The following NUP153 variants were observed in gnomAD, a reference collection of about 807,000 sequenced individuals.
NUP153 encodes nucleoporin 153.
Under a neutral mutation model 134.6 loss-of-function variants are expected in NUP153, and 27 were observed. The observed-to-expected ratio is 0.20, with a 90% confidence interval of 0.15 to 0.28. The LOEUF (loss-of-function observed/expected upper bound fraction) is 0.28, where lower values mean the gene tolerates loss of function less well. NUP153 is among the 10% of genes least tolerant of loss of function. NUP153 has a pLI of 1.00. For missense variants in NUP153, 1,821 were observed against 1,731.3 expected, an observed-to-expected ratio of 1.05 and a Z score of -0.92; for synonymous variants, 640 against 623.5, an observed-to-expected ratio of 1.03 and a Z score of -0.40.
Position 17,632,499 on chromosome 6 carries a change from A to G in NUP153, c.2659+151T>C, listed in dbSNP as rs186307348. On this transcript the variant is annotated intron_variant, in intron 17 of 21. Transcript: ENST00000262077. ...GACCTTACAATATTCAGAAACAGAT[A>G]TAACTAAAACATCTCAGGATAATCT... 186 of 577,392 alleles carry G rather than the reference A, an allele frequency of 3.2e-4. 2 individuals are homozygous for G. Among genetic ancestry groups the G allele is most frequent in the Non-Finnish European group, 2.9e-6 (1 of 346,850 alleles). 35.8% of individuals were successfully genotyped at this position (577,392 alleles called of 1,614,324 possible).
chr6:17,630,332 CAG>C (rs1171437520), intron 17 of NUP153, among the ~76,000 whole-genome samples: 1 of 152,142 alleles, frequency 6.6e-6, no homozygotes, highest in Non-Finnish European at 1.5e-5. Context: ...AACAGAAAAA[CAG>C]AAGAATTACA....
chr6:17,651,793 T>C (rs1228319181), intron 11 of NUP153: 11 of 561,580 alleles, frequency 2.0e-5, no homozygotes, highest in Non-Finnish European at 3.7e-5. Context: ...GGCCTCAAAA[T>C]CCATGAAACA....
At chr6:17,679,739 G>A (rs1356219930) in intron 2 of NUP153, among the ~76,000 whole-genome samples, 4 of 152,034 alleles carry the variant, frequency 2.6e-5, no homozygotes, top group Admixed American at 6.6e-5. Context: ...AGACTACCTC[G>A]CTGATGTTAC....
intron 2 of NUP153, among the ~76,000 whole-genome samples, chr6:17,682,002 G>A (rs1156770845): frequency 6.6e-6 from 1 of 151,888 alleles, no homozygotes; most frequent in Non-Finnish European, 1.5e-5. Flanking sequence ...AAGGCCAGGA[G>A]TTCAAGACCA....
Position 17,629,256 on chromosome 6 carries a change from A to C in NUP153, c.2943T>G (p.Phe981Leu). ...EVKKDSKNDNFKFGLSSGLSN... is the reference protein window; with the variant it reads ...EVKKDSKNDNLKFGLSSGLSN... ...TTAAACCAGAAGAAAGTCCAAACTT[A>C]AAATTATCATTCTTACTATCTTTTT... The change falls in exon 18 of 22, where the codon TTT becomes TTG. Residue 981 changes from phenylalanine to leucine, a missense_variant. Transcript: ENST00000262077. The C allele has an allele frequency of 6.2e-7, 1 of 1,612,708 alleles. No individual in the cohort carries two copies. Among genetic ancestry groups the C allele is most frequent in the Non-Finnish European group, 8.5e-7 (1 of 1,179,654 alleles).
chr6:17,649,370 CA>C, intron 11 of NUP153, 70 bp from the exon 12 acceptor site: 3 of 1,427,254 alleles, frequency 2.1e-6, no homozygotes, highest in Non-Finnish European at 2.9e-6. Context: ...TTATTTTCAG[CA>C]TGAAAGTATA....
chr6:17,624,215 T>C (rs1764799778), intron 20 of NUP153, among the ~76,000 whole-genome samples: 1 of 152,150 alleles, frequency 6.6e-6, no homozygotes, highest in Admixed American at 6.5e-5. Context: ...TGGGGGTAAC[T>C]TCCTAACGCA....
intron 1 of NUP153, among the ~76,000 whole-genome samples, chr6:17,690,299 C>CCCGGGTGGCGTAGCTTGCAGTGAGG (rs1339546531): frequency 9.8e-6 from 1 of 101,806 alleles, no homozygotes; most frequent in African/African-American, 2.7e-5. Context: ...TTGCAGTGAG[C>CCCGGGTGGCGTAGCTTGCAGTGAGG]CGAATGTGCA....
chr6:17,621,145 CA>C (rs1348049778), intron 20 of NUP153, among the ~76,000 whole-genome samples: 1 of 152,110 alleles, frequency 6.6e-6, no homozygotes, highest in Non-Finnish European at 1.5e-5. Context: ...AAGGGAAATG[CA>C]AATCAAAACC....
chr6:17,643,979 A>G (rs1765997487), intron 14 of NUP153, among the ~76,000 whole-genome samples: 1 of 152,198 alleles, frequency 6.6e-6, no homozygotes, highest in South Asian at 2.1e-4. Flanking sequence ...TTAAAGAAAA[A>G]AAACTTTTGT....
chr6:17,701,089 G>A (rs1466395525), intron 1 of NUP153, among the ~76,000 whole-genome samples: 1 of 152,110 alleles, frequency 6.6e-6, no homozygotes, highest in South Asian at 2.1e-4. Flanking sequence ...GCTGGGAGTG[G>A]TGGCGCATGC....
chr6:17,675,707 C>G lies in NUP153; in HGVS notation c.398G>C (p.Arg133Pro). ...CAACATGGAAAAATTCAGATGGCTCCGATGAAGAGAAGGCCTTGTTAACAC... is the reference window on the plus strand; with the variant it reads ...CAACATGGAAAAATTCAGATGGCTCGGATGAAGAGAAGGCCTTGTTAACAC... ...PDVLTRPSLH[R>P]SHLNFSMLES... The change falls in exon 3 of 22, where the codon CGG becomes CCG. Residue 133 changes from arginine to proline, a missense_variant. Arg to Pro is a moderately radical substitution (Grantham distance 103, BLOSUM62 -2). Coordinates refer to ENST00000262077, the MANE Select transcript of NUP153 (RefSeq NM_005124.4). This position sits in a 1 kb window ranked among gnomAD's most constrained non-coding sequence, Gnocchi z 4.4. 6.2e-7 allele frequency: 1 copy of G among 1,613,866 alleles called. No individual in the cohort carries two copies. Among genetic ancestry groups the G allele is most frequent in the South Asian group, 1.1e-5 (1 of 91,068 alleles).
chr6:17,675,137 C>G lies in NUP153; in HGVS notation c.723+92G>C. On this transcript the variant is annotated intron_variant, in intron 4 of 21. Transcript: ENST00000262077. The surrounding 1 kb of genome is among the most constrained non-coding windows in gnomAD (Gnocchi z 4.4). ...CTACACACTCAAGCCTGGGCAACAGCAAAAGACTCTTGTCTCAGAAAAAAA... is the reference window on the plus strand; with the variant it reads ...CTACACACTCAAGCCTGGGCAACAGGAAAAGACTCTTGTCTCAGAAAAAAA... 6.7e-7 allele frequency: 1 copy of G among 1,502,278 alleles called. No homozygotes were observed. Among genetic ancestry groups the G allele is most frequent in the Non-Finnish European group, 9.0e-7 (1 of 1,105,624 alleles). The allele number at this position is 1,502,278 out of a possible 1,614,324, so 93.1% of individuals were successfully genotyped here.
intron 11 of NUP153, among the ~76,000 whole-genome samples, chr6:17,650,064 CAAAAT>C (rs905603477): frequency 6.6e-6 from 1 of 152,122 alleles, no homozygotes; most frequent in Admixed American, 6.6e-5. Flanking sequence ...AAAGAACAAA[CAAAAT>C]GAGTTCCACT....
intron 21 of NUP153, 101 bp from the exon 22 acceptor site, chr6:17,616,282 T>TG (rs3836949): frequency 0.5 from 167,358 of 332,002 alleles, 36,419 homozygotes; most frequent in Middle Eastern, 0.67. Flanking sequence ...GGGGGTCGGG[T>TG]GGGGGGGGAG....
In NUP153 at chr6:17,638,684, C is replaced by T. The variant is rs1328883744; in HGVS notation, c.1847-914G>A. ...TCCTAATTTCAGTCAAATGAAGATT[C>T]TCCCCAAACATTTCCTATTTAAGAA... On this transcript the variant is annotated intron_variant, in intron 15 of 21. Transcript: ENST00000262077. This position sits in a 1 kb window ranked among gnomAD's most constrained non-coding sequence, Gnocchi z 4.0. Among the ~76,000 whole-genome samples the T allele has an allele frequency of 6.6e-6, 1 of 152,160 alleles. No individual in the cohort carries two copies. The highest frequency in any genetic ancestry group is 1.5e-5 in the Non-Finnish European group (1 of 68,026).
chr6:17,641,893 G>A (rs1283423044), intron 14 of NUP153, among the ~76,000 whole-genome samples: 3 of 151,972 alleles, frequency 2.0e-5, no homozygotes, highest in African/African-American at 7.2e-5. Context: ...GGTCAAAATG[G>A]TAAAAGTTGA....
At chr6:17,703,595 G>A (rs577331340) in intron 1 of NUP153, among the ~76,000 whole-genome samples, 40 of 151,830 alleles carry the variant, frequency 2.6e-4, no homozygotes, top group Admixed American at 1.3e-3. Flanking sequence ...CAGCAAGTGG[G>A]TAGACCCTAT....
Position 17,706,476 on chromosome 6 carries a change from C to G in NUP153, c.-89G>C. On this transcript the variant is annotated 5_prime_UTR_variant, in exon 1 of 22. Transcript: ENST00000262077. This position sits in a 1 kb window ranked among gnomAD's most constrained non-coding sequence, Gnocchi z 5.9. ...GCCTTAGAGAGCCTCCCCCGCCGCCCGGCCCCGGCCCAAAAGTCCGCCCGC... is the reference window on the plus strand; with the variant it reads ...GCCTTAGAGAGCCTCCCCCGCCGCCGGGCCCCGGCCCAAAAGTCCGCCCGC... The G allele has an allele frequency of 1.0e-6, 1 of 979,898 alleles. No individual in the cohort carries two copies. The highest frequency in any genetic ancestry group is 1.5e-5 in the South Asian group (1 of 66,428). The allele number at this position is 979,898 out of a possible 1,614,324, so 60.7% of individuals were successfully genotyped here. A position where few individuals can be genotyped will look rare whatever the true frequency, so the allele number is the denominator to read the frequency against.
Sources: allele counts gnomAD v4.1 joint callset (sites outside exome capture counted in the v4.1 genomes callset), GRCh38; gene constraint gnomAD v4.1.1; non-coding constraint Gnocchi (gnomAD v3.1); transcripts MANE v1.5; gene names NCBI Gene and HGNC (gene_info 2026-07-23, HGNC 2026-07-21).